Variants in PLEKHM1 observed in about 807,000 individuals in gnomAD.
The protein encoded by PLEKHM1 is pleckstrin homology domain-containing family M member 1.
A neutral mutation model predicts 94.3 loss-of-function variants in PLEKHM1; 28 were observed. The ratio of observed to expected loss-of-function variants is 0.30; its 90% CI spans 0.22 to 0.41. The LOEUF (loss-of-function observed/expected upper bound fraction) is 0.41, where lower values mean the gene tolerates loss of function less well. Among genes scored for constraint, PLEKHM1 ranks in the 10% least tolerant of loss-of-function variants. PLEKHM1 has a pLI of 1.00. For missense variants in PLEKHM1, 907 were observed against 1,358.6 expected, an observed-to-expected ratio of 0.67 and a Z score of 5.22; for synonymous variants, 424 against 581.2, an observed-to-expected ratio of 0.73 and a Z score of 3.89.
At chr17:45,447,001 C>T (rs908557753) in intron 8 of PLEKHM1, among the ~76,000 whole-genome samples, 2 of 152,160 alleles carry the variant, frequency 1.3e-5, no homozygotes, top group African/African-American at 4.8e-5. Context: ...GGATGTCAGC[C>T]CAGGACTGGA....
At position 45,453,866 on chromosome 17, in the gene PLEKHM1, C is replaced by T. The variant is rs751028545; in HGVS notation, c.1986G>A (p.Ser662=). ...QGCLSPSDLL[S]EPAALQGTQF... is the part of the protein sequence containing the mutation. ...GTGTGCCCTGGAGGGCCGCGGGCTC[C>T]GAGAGCAGGTCTGAGGGAGAGAGGC... is the stretch of plus-strand genomic sequence containing the variant. Residue 662 remains serine, a synonymous_variant, in exon 7 of 12, where the codon TCG becomes TCA. Coordinates refer to ENST00000430334, the MANE Select transcript of PLEKHM1 (RefSeq NM_014798.3). This position sits in a 1 kb window ranked among gnomAD's most constrained non-coding sequence, Gnocchi z 4.1. 84 of 1,613,942 alleles carry T rather than the reference C, an allele frequency of 5.2e-5. No homozygotes were observed. The Middle Eastern group carries it at 6.6e-4, about 13-fold the overall frequency.
chr17:45,475,083 G>T lies in PLEKHM1; in HGVS notation c.923+17C>A, dbSNP rs374198915. On this transcript the variant is annotated intron_variant, in intron 4 of 11. Coordinates refer to ENST00000430334, the MANE Select transcript of PLEKHM1 (RefSeq NM_014798.3). ...GGGAAGAGAGAAGATGGGAAGGAGTGGGGGCAGCGTACTCACTCTTGCAGA... is the reference window on the plus strand; with the variant it reads ...GGGAAGAGAGAAGATGGGAAGGAGTTGGGGCAGCGTACTCACTCTTGCAGA... The T allele has an allele frequency of 1.2e-6, 2 of 1,613,762 alleles. No individual in the cohort carries two copies. Among genetic ancestry groups the T allele is most frequent in the Admixed American group, 1.7e-5 (1 of 59,998 alleles).
intron 5 of PLEKHM1, among the ~76,000 whole-genome samples, chr17:45,467,178 G>T (rs1408189522): frequency 6.6e-6 from 1 of 152,212 alleles, no homozygotes; most frequent in African/African-American, 2.4e-5. Flanking sequence ...CAACTCCTGG[G>T]CTCAAGCAGT....
chr17:45,439,799 C>T (rs1335713573), intron 10 of PLEKHM1, 165 bp from the exon 11 acceptor site: 1 of 908,906 alleles, frequency 1.1e-6, no homozygotes, highest in African/African-American at 1.6e-5. Flanking sequence ...AGAAAACCTC[C>T]CTGAATCAGG....
intron 6 of PLEKHM1, among the ~76,000 whole-genome samples, chr17:45,456,028 G>A (rs1420450944): frequency 1.3e-5 from 2 of 152,108 alleles, no homozygotes. Context: ...CCAGCGCAGG[G>A]TCTTTGCATT....
chr17:45,458,686 G>T (rs955057721), intron 5 of PLEKHM1, among the ~76,000 whole-genome samples: 1 of 151,614 alleles, frequency 6.6e-6, no homozygotes, highest in Non-Finnish European at 1.5e-5. Context: ...GGCCAGGCTG[G>T]TCTAGAACTC....
intron 3 of PLEKHM1, chr17:45,476,127 G>C (rs1355502216): frequency 5.3e-6 from 1 of 187,404 alleles, no homozygotes; most frequent in Non-Finnish European, 1.1e-5. Context: ...CTCCAGCCTA[G>C]GCAATATATA....
chr17:45,469,397 G>C (rs2051425663), intron 4 of PLEKHM1, among the ~76,000 whole-genome samples: 1 of 152,128 alleles, frequency 6.6e-6, no homozygotes, highest in Admixed American at 6.5e-5. Flanking sequence ...ACATGCCCTG[G>C]GCCCTCTGGA....
In PLEKHM1 at chr17:45,445,779, T is replaced by C; in HGVS notation, c.2644-116A>G. 1 of 742,888 alleles carries C rather than the reference T, an allele frequency of 1.3e-6. No individual in the cohort carries two copies. The highest frequency in any genetic ancestry group is 1.5e-5 in the South Asian group (1 of 65,898). 46.0% of individuals were successfully genotyped at this position (742,888 alleles called of 1,614,324 possible). A position where few individuals can be genotyped will look rare whatever the true frequency, so the allele number is the denominator to read the frequency against. On this transcript the variant is annotated intron_variant, in intron 8 of 11. Coordinates refer to ENST00000430334, the MANE Select transcript of PLEKHM1 (RefSeq NM_014798.3). This position sits in a 1 kb window ranked among gnomAD's most constrained non-coding sequence, Gnocchi z 4.2. ...TGAGGGGCTATCTTCATTTTACAGA[T>C]GGGGAAACTGAGGCTCAAGGAGATG...
intron 5 of PLEKHM1, among the ~76,000 whole-genome samples, chr17:45,467,806 T>C (rs1372349882): frequency 6.6e-6 from 1 of 152,132 alleles, no homozygotes; most frequent in African/African-American, 2.4e-5. Flanking sequence ...AATTTAATAA[T>C]AACAAGTACT....
intron 8 of PLEKHM1, among the ~76,000 whole-genome samples, chr17:45,448,892 G>C (rs546621792): frequency 1.3e-5 from 2 of 152,090 alleles, no homozygotes; most frequent in African/African-American, 2.4e-5. Flanking sequence ...AGTGAACCAA[G>C]CTTCTTATAA....
In PLEKHM1 at chr17:45,436,409, C is replaced by T. The variant is rs1259742282; in HGVS notation, c.*1449G>A. On this transcript the variant is annotated 3_prime_UTR_variant, in exon 12 of 12. Coordinates refer to ENST00000430334, the MANE Select transcript of PLEKHM1 (RefSeq NM_014798.3). ...CGTTGCCTCTGTTCTGCTGCACAGG[C>T]ATCCAGCTCCAAGGCTGGGTGGGTG... 4.4e-6 allele frequency: 2 copies of T among 453,822 alleles called. No individual in the cohort carries two copies. Among genetic ancestry groups the T allele is most frequent in the Admixed American group, 2.3e-5 (1 of 42,580 alleles). 28.1% of individuals were successfully genotyped at this position (453,822 alleles called of 1,614,324 possible). A position where few individuals can be genotyped will look rare whatever the true frequency, so the allele number is the denominator to read the frequency against.
At chr17:45,472,284 T>G (rs908491976) in intron 4 of PLEKHM1, among the ~76,000 whole-genome samples, 26 of 152,192 alleles carry the variant, frequency 1.7e-4, no homozygotes, top group African/African-American at 6.0e-4. Flanking sequence ...TGTTTGTGCA[T>G]CTGTATGTCT....
Position 45,458,310 on chromosome 17 carries a change from G to C in PLEKHM1, c.1438C>G (p.His480Asp), listed in dbSNP as rs1383542111. 1 of 1,613,542 alleles carries C rather than the reference G, an allele frequency of 6.2e-7. No individual in the cohort carries two copies. The highest frequency in any genetic ancestry group is 8.5e-7 in the Non-Finnish European group (1 of 1,179,710). Reference sequence around the variant, plus strand: ...TTTTTTCTTGGTTCTTGAGAAAAATGCCTGTGGAGACCAGGCCTTGACCCT... The same window carrying C: ...TTTTTTCTTGGTTCTTGAGAAAAATCCCTGTGGAGACCAGGCCTTGACCCT... ...TPGSRPGLHR[H>D]FSQEPRKNCS... Residue 480 changes from histidine to aspartate, a missense_variant, in exon 6 of 12, where the codon CAT becomes GAT. Coordinates refer to ENST00000430334, the MANE Select transcript of PLEKHM1 (RefSeq NM_014798.3).
chr17:45,436,868 C>T lies in PLEKHM1; in HGVS notation c.*990G>A. On this transcript the variant is annotated 3_prime_UTR_variant, in exon 12 of 12. Transcript: ENST00000430334. ...TCTCCACAGTGCAGGGCGTGGCTGC[C>T]TGCCCTCTCTGGGGTCCTGCCTATC... is the stretch of plus-strand genomic sequence containing the variant. 1 of 453,394 alleles carries T rather than the reference C, an allele frequency of 2.2e-6. No individual in the cohort carries two copies. The highest frequency in any genetic ancestry group is 1.6e-5 in the South Asian group (1 of 64,474). The allele number at this position is 453,394 out of a possible 1,614,324, so 28.1% of individuals were successfully genotyped here. A position where few individuals can be genotyped will look rare whatever the true frequency, so the allele number is the denominator to read the frequency against.
chr17:45,489,783 A>G (rs907640435), intron 1 of PLEKHM1, among the ~76,000 whole-genome samples: 10 of 152,148 alleles, frequency 6.6e-5, no homozygotes, highest in Non-Finnish European at 1.3e-4. Context: ...GCGACTCTGC[A>G]CTAAGTTCTC....
chr17:45,478,355 A>G (rs1323459686), intron 2 of PLEKHM1, among the ~76,000 whole-genome samples: 1 of 152,210 alleles, frequency 6.6e-6, no homozygotes, highest in Admixed American at 6.5e-5. Context: ...AAAATCACAC[A>G]CACTACCCAG....
At chr17:45,465,780 G>A (rs2051302126) in intron 5 of PLEKHM1, among the ~76,000 whole-genome samples, 1 of 152,062 alleles carries the variant, frequency 6.6e-6, no homozygotes, top group Non-Finnish European at 1.5e-5. Flanking sequence ...GCTGCAAGGA[G>A]GCCGGTGGGT....
In PLEKHM1 at chr17:45,468,335, T is replaced by A; in HGVS notation, c.1182A>T (p.Ser394=). ...LDLQQPVEST[S]GQQPSSTVSE... ...TGACAGTACTAGAAGGCTGCTGGCC[T>A]GAGGTGCTCTCTACAGGCTGCTGTA... Residue 394 remains serine (S), a synonymous_variant, in exon 5 of 12, where the codon TCA becomes TCT. Transcript: ENST00000430334. 1.9e-6 allele frequency: 3 copies of A among 1,613,962 alleles called. No homozygotes were observed. The highest frequency in any genetic ancestry group is 2.5e-6 in the Non-Finnish European group (3 of 1,179,968).
Sources: allele counts gnomAD v4.1 joint callset (sites outside exome capture counted in the v4.1 genomes callset), GRCh38; gene constraint gnomAD v4.1.1; non-coding constraint Gnocchi (gnomAD v3.1); transcripts MANE v1.5; gene names NCBI Gene and HGNC (gene_info 2026-07-23, HGNC 2026-07-21).